OSBPL9: variants seen among roughly 807,000 people sequenced by gnomAD.
The protein encoded by OSBPL9 is oxysterol binding protein like 9.
OSBPL9 carries 40 observed loss-of-function variants against 106.6 expected under a neutral mutation model. The ratio of observed to expected loss-of-function variants is 0.38; its 90% CI spans 0.29 to 0.49. OSBPL9 has a LOEUF of 0.49. OSBPL9 is among the 20% of genes least tolerant of loss of function. OSBPL9 has a pLI of 0.97. For missense variants in OSBPL9, 609 were observed against 887.2 expected, an observed-to-expected ratio of 0.69 and a Z score of 3.98; for synonymous variants, 269 against 295.4, an observed-to-expected ratio of 0.91 and a Z score of 0.92.
intron 3 of OSBPL9, among the ~76,000 whole-genome samples, chr1:51,673,146 A>G (rs1650304616): frequency 6.6e-6 from 1 of 152,228 alleles, no homozygotes; most frequent in Non-Finnish European, 1.5e-5. Context: ...AGGAGGAGGA[A>G]AACCAAATGA....
chr1:51,534,848 G>T, the OSBPL9 span, among the ~76,000 whole-genome samples: 5 of 152,282 alleles, frequency 3.3e-5, no homozygotes, highest in East Asian at 9.7e-4. Flanking sequence ...TGGACCCAGG[G>T]TCCTGCCTAT....
At chr1:51,533,219 C>T in the OSBPL9 span, among the ~76,000 whole-genome samples, 10 of 151,986 alleles carry the variant, frequency 6.6e-5, no homozygotes, top group South Asian at 4.2e-4. Context: ...TAGTGGCTCA[C>T]GCCTGTAATC....
At chr1:51,740,560 A>G (rs758450055) in intron 4 of OSBPL9, among the ~76,000 whole-genome samples, 6 of 152,090 alleles carry the variant, frequency 3.9e-5, no homozygotes, top group Non-Finnish European at 8.8e-5. Flanking sequence ...TCTATGAGAC[A>G]AAGAATAACT....
intron 2 of OSBPL9, among the ~76,000 whole-genome samples, chr1:51,607,164 C>CTTT (rs1320905927): frequency 4.4e-5 from 6 of 136,382 alleles, no homozygotes; most frequent in Admixed American, 1.5e-4. Flanking sequence ...TTTTCTTTTT[C>CTTT]TTTTTTTTTT....
rs1321866008 is a variant in OSBPL9 at position 51,756,314 on chromosome 1, C to T, written c.544-6C>T. The T allele has an allele frequency of 1.9e-6, 3 of 1,611,138 alleles. No individual in the cohort carries two copies. Among genetic ancestry groups the T allele is most frequent in the Non-Finnish European group, 2.5e-6 (3 of 1,177,850 alleles). On this transcript the variant is annotated splice_polypyrimidine_tract_variant and splice_region_variant and intron_variant, in intron 8 of 23. Transcript: ENST00000428468. ...GAAGTTAATATTTTTAACATTTTTC[C>T]TTAAGGACCAGAGTAATGCGGAGAA... is the stretch of plus-strand genomic sequence containing the variant.
At chr1:51,707,978 G>T in intron 3 of OSBPL9, 1 of 250,666 alleles carries the variant, frequency 4.0e-6, no homozygotes, top group Non-Finnish European at 8.0e-6. Context: ...ATGCTGCCAT[G>T]GAACTTGCCA....
At chr1:51,675,537 G>A (rs1650984689) in intron 3 of OSBPL9, among the ~76,000 whole-genome samples, 1 of 152,062 alleles carries the variant, frequency 6.6e-6, no homozygotes, top group African/African-American at 2.4e-5. Flanking sequence ...AGTCTTGAGT[G>A]TTATCCTTCT....
intron 11 of OSBPL9, among the ~76,000 whole-genome samples, chr1:51,763,361 G>A (rs541142155): frequency 1.6e-4 from 24 of 152,002 alleles, no homozygotes; most frequent in African/African-American, 5.6e-4. Flanking sequence ...TGTTTTACAG[G>A]GATACTATCA....
intron 11 of OSBPL9, among the ~76,000 whole-genome samples, chr1:51,762,548 A>C (rs1671748407): frequency 1.3e-5 from 2 of 152,228 alleles, no homozygotes; most frequent in Non-Finnish European, 2.9e-5. Flanking sequence ...GACTTTTTGA[A>C]AAATTTACTC....
chr1:51,643,831 A>G (rs1210258898), intron 1 of OSBPL9, among the ~76,000 whole-genome samples: 1 of 152,022 alleles, frequency 6.6e-6, no homozygotes, highest in African/African-American at 2.4e-5. Flanking sequence ...CTGTAGTCTC[A>G]GCACTTTGGG....
At chr1:51,693,736 A>T (rs1655458627) in intron 3 of OSBPL9, among the ~76,000 whole-genome samples, 1 of 152,216 alleles carries the variant, frequency 6.6e-6, no homozygotes, top group Non-Finnish European at 1.5e-5. Flanking sequence ...GGTTGAATTA[A>T]TGTGAGCTGA....
At chr1:51,726,339 T>G (rs1244716797) in intron 4 of OSBPL9, among the ~76,000 whole-genome samples, 1 of 152,240 alleles carries the variant, frequency 6.6e-6, no homozygotes, top group African/African-American at 2.4e-5. Flanking sequence ...TAGAACACAG[T>G]GGTACTTCTA....
In OSBPL9 at chr1:51,667,617, A is replaced by G. The variant is rs1044322091; in HGVS notation, c.163-1817A>G. ...TAAGTGCCTTGAAGGCAGGGCATAT[A>G]TTCCAGAGCTGTATATTGCATATAT... On this transcript the variant is annotated intron_variant, in intron 2 of 23. Coordinates refer to ENST00000428468, the MANE Select transcript of OSBPL9 (RefSeq NM_024586.6). Among the ~76,000 whole-genome samples, 10 of 152,240 alleles carry G rather than the reference A, an allele frequency of 6.6e-5. 1 individual carries two copies. Among genetic ancestry groups the G allele is most frequent in the African/African-American group, 2.4e-4 (10 of 41,464 alleles).
intron 4 of OSBPL9, among the ~76,000 whole-genome samples, chr1:51,724,473 C>A (rs12022926): frequency 6.6e-6 from 1 of 150,930 alleles, no homozygotes; most frequent in Non-Finnish European, 1.5e-5. Flanking sequence ...TTAGTAGAGA[C>A]GGGGGTTCCA....
At chr1:51,570,956 G>A in the OSBPL9 span, among the ~76,000 whole-genome samples, 2 of 151,962 alleles carry the variant, frequency 1.3e-5, no homozygotes, top group South Asian at 4.2e-4. Context: ...CAAGTGGCTG[G>A]GATTATAGGT....
At chr1:51,682,838 T>C (rs1190532515) in intron 3 of OSBPL9, among the ~76,000 whole-genome samples, 14 of 151,918 alleles carry the variant, frequency 9.2e-5, no homozygotes, top group Admixed American at 6.6e-4. Context: ...AATTTTTTTT[T>C]TTTTTTTGGC....
the OSBPL9 span, among the ~76,000 whole-genome samples, chr1:51,553,183 G>A: frequency 6.6e-6 from 1 of 152,018 alleles, no homozygotes; most frequent in Admixed American, 6.6e-5. Context: ...GGCCGGGGAA[G>A]CTGGTAAACA....
intron 3 of OSBPL9, among the ~76,000 whole-genome samples, chr1:51,696,559 A>G (rs1299224649): frequency 6.6e-6 from 1 of 152,182 alleles, no homozygotes; most frequent in Admixed American, 6.5e-5. Flanking sequence ...GTCCAACAAG[A>G]TTAGTGATTA....
At chr1:51,724,706 G>A (rs1002907662) in intron 4 of OSBPL9, 1 of 152,492 alleles carries the variant, frequency 6.6e-6, no homozygotes, top group African/African-American at 2.4e-5. Context: ...CTTTATCTTT[G>A]ATTTTCAGTA....
Sources: gnomAD v4.1 joint callset for allele counts (sites outside exome capture counted in the v4.1 genomes callset) on GRCh38, gnomAD v4.1.1 for gene constraint, MANE v1.5 for transcripts, NCBI Gene and HGNC (gene_info 2026-07-23, HGNC 2026-07-21) for gene names.